EHHADH: variants seen among roughly 807,000 people sequenced by gnomAD.
The protein encoded by EHHADH is peroxisomal bifunctional enzyme.
EHHADH carries 48 observed loss-of-function variants against 64.4 expected under a neutral mutation model. That is an observed-to-expected ratio of 0.75 (90% CI 0.59 to 0.95). EHHADH has a LOEUF of 0.95. EHHADH is among the 40% of genes least tolerant of loss of function. The probability of loss-of-function intolerance (pLI) is 0.00; values close to 1 mark genes in which losing one functional copy is unlikely to be tolerated. For missense variants in EHHADH, 854 were observed against 876.6 expected (o/e 0.97, Z 0.33); for synonymous variants, 308 against 326.7 (o/e 0.94, Z 0.62).
intron 1 of EHHADH, among the ~76,000 whole-genome samples, chr3:185,252,811 G>A (rs1420034361): frequency 1.3e-5 from 2 of 152,244 alleles, no homozygotes; most frequent in Non-Finnish European, 1.5e-5. Context: ...TCAGCAGCAT[G>A]TTATAAGAAT....
chr3:185,190,674 A>T lies in EHHADH; in HGVS notation c.*1552T>A, dbSNP rs1380887015. The T allele has an allele frequency of 6.6e-6, 1 of 152,188 alleles. No homozygotes were observed. The highest frequency in any genetic ancestry group is 1.5e-5 in the Non-Finnish European group (1 of 68,034). 9.4% of individuals were successfully genotyped at this position (152,188 alleles called of 1,614,324 possible). A position where few individuals can be genotyped will look rare whatever the true frequency, so the allele number is the denominator to read the frequency against. Reference sequence around the variant, plus strand: ...TTGATGTCTTTAATTTCACAAACCAAATTATATAAAATTAAGTAGTACACA... The same window carrying T: ...TTGATGTCTTTAATTTCACAAACCATATTATATAAAATTAAGTAGTACACA... On this transcript the variant is annotated 3_prime_UTR_variant, in exon 7 of 7. Transcript: ENST00000231887.
intron 2 of EHHADH, chr3:185,246,320 T>C: frequency 1.3e-6 from 1 of 761,106 alleles, no homozygotes. Context: ...GCTCCAGACT[T>C]TTGTTTCTGA....
chr3:185,228,701 C>A (rs1000560853), intron 4 of EHHADH, among the ~76,000 whole-genome samples: 3 of 151,932 alleles, frequency 2.0e-5, no homozygotes, highest in Non-Finnish European at 4.4e-5. Flanking sequence ...ATAAAAAGAA[C>A]AACTTGCATT....
At chr3:185,194,216 A>C (rs922986833) in intron 6 of EHHADH, among the ~76,000 whole-genome samples, 5 of 152,222 alleles carry the variant, frequency 3.3e-5, no homozygotes, top group Non-Finnish European at 5.9e-5. Context: ...CGTGCCTGTA[A>C]TCCCAGCACT....
chr3:185,251,888 G>C (rs1719758694), intron 1 of EHHADH, among the ~76,000 whole-genome samples: 1 of 152,164 alleles, frequency 6.6e-6, no homozygotes, highest in Non-Finnish European at 1.5e-5. Flanking sequence ...AAACTGAAGT[G>C]GGTCCTGAGT....
chr3:185,228,292 A>AGAGG (rs1269008951), intron 4 of EHHADH, among the ~76,000 whole-genome samples: 1 of 132,532 alleles, frequency 7.5e-6, no homozygotes, highest in African/African-American at 2.7e-5. Context: ...AGAGAGAGAG[A>AGAGG]GAGAGAGAGA....
At chr3:185,195,712 T>C (rs575568868) in intron 6 of EHHADH, among the ~76,000 whole-genome samples, 40 of 152,226 alleles carry the variant, frequency 2.6e-4, no homozygotes, top group African/African-American at 9.4e-4. Flanking sequence ...CACTTATAAG[T>C]GTGAGCTGAA....
At chr3:185,208,038 A>G (rs1718442232) in intron 5 of EHHADH, among the ~76,000 whole-genome samples, 1 of 152,204 alleles carries the variant, frequency 6.6e-6, no homozygotes, top group African/African-American at 2.4e-5. Flanking sequence ...TGGTAGACAG[A>G]CTCTAAGTAA....
intron 6 of EHHADH, among the ~76,000 whole-genome samples, chr3:185,198,921 A>C (rs1050656490): frequency 1.4e-5 from 2 of 145,818 alleles, no homozygotes; most frequent in African/African-American, 5.6e-5. Flanking sequence ...GTTACATTTC[A>C]ATTAAACTGT....
intron 5 of EHHADH, among the ~76,000 whole-genome samples, chr3:185,207,623 A>G (rs1313452621): frequency 6.6e-6 from 1 of 152,202 alleles, no homozygotes; most frequent in Non-Finnish European, 1.5e-5. Flanking sequence ...AGTTCTGCCA[A>G]CAACCCAAAT....
rs1560019155 is a variant in EHHADH, at chr3:185,235,375, G to A, written c.266C>T (p.Pro89Leu). The A allele has an allele frequency of 1.2e-6, 2 of 1,613,832 alleles. No homozygotes were observed. The highest frequency in any genetic ancestry group is 1.7e-6 in the Non-Finnish European group (2 of 1,179,936). The change falls in exon 3 of 7, where the codon CCC (proline) becomes CTC (leucine). Residue 89 changes from proline to leucine, a missense_variant. Coordinates refer to ENST00000231887, the MANE Select transcript of EHHADH (RefSeq NM_001966.4). ...VVDEIQRNEK[P>L]VVAAIQGMAF... Reference sequence around the variant, plus strand: ...CATGCCTTGGATTGCTGCCACCACGGGCTTCTCATTTCTCTGTATTTCATC... The same window carrying A: ...CATGCCTTGGATTGCTGCCACCACGAGCTTCTCATTTCTCTGTATTTCATC...
At chr3:185,223,320 T>A (rs912700593) in intron 4 of EHHADH, among the ~76,000 whole-genome samples, 1 of 152,184 alleles carries the variant, frequency 6.6e-6, no homozygotes, top group Non-Finnish European at 1.5e-5. Context: ...TGGCTAAGGT[T>A]TTGATTTTAA....
intron 2 of EHHADH, among the ~76,000 whole-genome samples, chr3:185,240,840 A>T (rs966038224): frequency 2.6e-5 from 4 of 151,686 alleles, no homozygotes; most frequent in African/African-American, 9.7e-5. Context: ...ATTGGGGTAC[A>T]GGTGGTGTTT....
chr3:185,226,901 T>C (rs1375530551), intron 4 of EHHADH: 1 of 152,208 alleles, frequency 6.6e-6, no homozygotes, highest in East Asian at 1.9e-4. Context: ...AATATGACAA[T>C]GATGATTATT....
chr3:185,194,248 A>C (rs1212627751), intron 6 of EHHADH, among the ~76,000 whole-genome samples: 1 of 152,190 alleles, frequency 6.6e-6, no homozygotes, highest in Non-Finnish European at 1.5e-5. Context: ...AGGTGAGAGG[A>C]TCACTTGGAA....
chr3:185,194,160 A>G (rs751972451), intron 6 of EHHADH, among the ~76,000 whole-genome samples: 1 of 152,206 alleles, frequency 6.6e-6, no homozygotes, highest in African/African-American at 2.4e-5. Flanking sequence ...ACTCTTCCCA[A>G]TTTCAAATTG....
At chr3:185,209,865 C>T (rs1180805164) in intron 5 of EHHADH, among the ~76,000 whole-genome samples, 1 of 152,202 alleles carries the variant, frequency 6.6e-6, no homozygotes, top group African/African-American at 2.4e-5. Flanking sequence ...GTCCCTCTCA[C>T]CCTACTACTT....
intron 6 of EHHADH, among the ~76,000 whole-genome samples, chr3:185,193,703 T>C (rs748583548): frequency 1.1e-4 from 17 of 152,110 alleles, no homozygotes; most frequent in Non-Finnish European, 2.4e-4. Context: ...ATAGAAGCTA[T>C]ACAAACTAAT....
chr3:185,250,753 A>G (rs1415760266), intron 1 of EHHADH, among the ~76,000 whole-genome samples: 2 of 152,252 alleles, frequency 1.3e-5, no homozygotes, highest in Non-Finnish European at 2.9e-5. Context: ...AACCTAGATG[A>G]AATCAGACAA....
Sources: gnomAD v4.1 joint callset for allele counts (sites outside exome capture counted in the v4.1 genomes callset) on GRCh38, gnomAD v4.1.1 for gene constraint, MANE v1.5 for transcripts, NCBI Gene and HGNC (gene_info 2026-07-23, HGNC 2026-07-21) for gene names.